The following TRPC7 variants were observed in gnomAD, a reference collection of about 807,000 sequenced individuals.
TRPC7 encodes the protein short transient receptor potential channel 7.
Under a neutral mutation model 90.1 loss-of-function variants are expected in TRPC7, and 42 were observed. The observed-to-expected ratio is 0.47, with a 90% CI of 0.36 to 0.60. The LOEUF is 0.60. TRPC7 is among the 20% of genes least tolerant of loss of function. TRPC7 has a pLI of 0.00. For missense variants in TRPC7, 955 were observed against 1,112.3 expected (o/e 0.86, Z 2.01); for synonymous variants, 451 against 436.3 (o/e 1.03, Z -0.42).
chr5:136,307,839 T>C (rs906761087), intron 3 of TRPC7, among the ~76,000 whole-genome samples: 1 of 152,198 alleles, frequency 6.6e-6, no homozygotes, highest in African/African-American at 2.4e-5. Context: ...GAAATCAGTA[T>C]GGCAAACAGT....
chr5:136,321,451 C>G (rs1175896890), intron 2 of TRPC7, among the ~76,000 whole-genome samples: 2 of 152,178 alleles, frequency 1.3e-5, no homozygotes, highest in East Asian at 1.9e-4. Flanking sequence ...AGCCATTTAA[C>G]TCTTACGCAT....
intron 3 of TRPC7, among the ~76,000 whole-genome samples, chr5:136,282,585 A>C (rs1047472493): frequency 1.3e-5 from 2 of 152,184 alleles, no homozygotes; most frequent in Non-Finnish European, 2.9e-5. Context: ...TATACTCAAA[A>C]TATGCTCAAG....
intron 7 of TRPC7, among the ~76,000 whole-genome samples, chr5:136,243,394 C>T (rs1287734120): frequency 3.3e-5 from 5 of 152,132 alleles, no homozygotes; most frequent in African/African-American, 1.2e-4. Context: ...AATTTCCCTT[C>T]TGTAGAATTG....
intron 3 of TRPC7, among the ~76,000 whole-genome samples, chr5:136,308,203 A>G (rs1722264635): frequency 6.6e-6 from 1 of 152,182 alleles, no homozygotes; most frequent in Non-Finnish European, 1.5e-5. Flanking sequence ...AGAAAACAAA[A>G]CTTCCTCATG....
chr5:136,283,186 G>A (rs1237054925), intron 3 of TRPC7, among the ~76,000 whole-genome samples: 1 of 152,228 alleles, frequency 6.6e-6, no homozygotes, highest in Non-Finnish European at 1.5e-5. Flanking sequence ...CTGTTGATGT[G>A]CCAGCGGGGC....
At chr5:136,237,370 T>TG (rs1756015827) in intron 7 of TRPC7, among the ~76,000 whole-genome samples, 1 of 152,204 alleles carries the variant, frequency 6.6e-6, no homozygotes, top group Non-Finnish European at 1.5e-5. Context: ...TGGGAACTCT[T>TG]GGAGGGAAGA....
At chr5:136,282,982 T>G (rs939088102) in intron 3 of TRPC7, among the ~76,000 whole-genome samples, 1 of 152,210 alleles carries the variant, frequency 6.6e-6, no homozygotes, top group Non-Finnish European at 1.5e-5. Flanking sequence ...TGTTTCATGA[T>G]AGCCTCCTAT....
chr5:136,305,609 A>G (rs1359071226), intron 3 of TRPC7, among the ~76,000 whole-genome samples: 1 of 152,160 alleles, frequency 6.6e-6, no homozygotes, highest in South Asian at 2.1e-4. Context: ...CTGAATAAGT[A>G]AAGGCCTTTC....
chr5:136,317,317 C>A (rs1759054264), intron 2 of TRPC7, among the ~76,000 whole-genome samples: 1 of 152,126 alleles, frequency 6.6e-6, no homozygotes, highest in African/African-American at 2.4e-5. Context: ...GCCATTCACT[C>A]ATTCATTCAT....
At chr5:136,253,177 T>C (rs1010211005) in intron 5 of TRPC7, among the ~76,000 whole-genome samples, 1 of 152,220 alleles carries the variant, frequency 6.6e-6, no homozygotes, top group Admixed American at 6.5e-5. Context: ...TGTTGTTAAT[T>C]TCACCTATTT....
At chr5:136,228,754 A>G (rs1561679512) in intron 8 of TRPC7, among the ~76,000 whole-genome samples, 1 of 152,176 alleles carries the variant, frequency 6.6e-6, no homozygotes, top group East Asian at 1.9e-4. Flanking sequence ...TATTTGCATC[A>G]TCAAAACTAC....
intron 3 of TRPC7, among the ~76,000 whole-genome samples, chr5:136,290,567 GA>G (rs1392641957): frequency 6.6e-6 from 1 of 152,194 alleles, no homozygotes; most frequent in Non-Finnish European, 1.5e-5. Flanking sequence ...TGAATGAAAT[GA>G]AGCATGAAGA....
rs1029989963 is a variant in TRPC7 at position 136,347,144 on chromosome 5, C to T, written c.780+9464G>A. Among the ~76,000 whole-genome samples, 97 of 152,270 alleles carry T rather than the reference C, an allele frequency of 6.4e-4. 1 individual carries two copies. Among genetic ancestry groups the T allele is most frequent in the Non-Finnish European group, 5.3e-4 (36 of 68,034 alleles). On this transcript the variant is annotated intron_variant, in intron 2 of 11. Transcript: ENST00000513104. ...CTAGAGCCTCCAAGGAGGGCATGAC[C>T]CTGCTAATACCTTGACTTTGGACCT...
At chr5:136,293,093 AC>A (rs1471244005) in intron 3 of TRPC7, among the ~76,000 whole-genome samples, 7 of 152,260 alleles carry the variant, frequency 4.6e-5, no homozygotes, top group African/African-American at 1.4e-4. Context: ...AAATTCAACA[AC>A]CCTTCATGCT....
rs186571780 is a variant in TRPC7 at position 136,300,803 on chromosome 5, C to T, written c.963+14794G>A. On this transcript the variant is annotated intron_variant, in intron 3 of 11. Transcript: ENST00000513104. The stretch of plus-strand genomic sequence containing the variant: ...CTTAGAGAAGCATTAAAGCCTCCAG[C>T]TTCCCACTGAACACACCATCTATCT... Among the ~76,000 whole-genome samples, 29 of 152,328 alleles carry T rather than the reference C, an allele frequency of 1.9e-4. 2 individuals are homozygous for T. Among genetic ancestry groups the T allele is most frequent in the Admixed American group, 1.6e-3 (24 of 15,306 alleles).
At chr5:136,354,085 T>C (rs963740246) in intron 2 of TRPC7, among the ~76,000 whole-genome samples, 2 of 152,222 alleles carry the variant, frequency 1.3e-5, no homozygotes, top group African/African-American at 2.4e-5. Context: ...AATATTTTTT[T>C]GCTTGAATTT....
chr5:136,329,823 C>T (rs901251613), intron 2 of TRPC7, among the ~76,000 whole-genome samples: 1 of 152,186 alleles, frequency 6.6e-6, no homozygotes, highest in Non-Finnish European at 1.5e-5. Flanking sequence ...TCTCGTGGAA[C>T]TCCTGGAAGA....
At chr5:136,241,955 A>T (rs1466842934) in intron 7 of TRPC7, among the ~76,000 whole-genome samples, 1 of 152,070 alleles carries the variant, frequency 6.6e-6, no homozygotes, top group Non-Finnish European at 1.5e-5. Flanking sequence ...GAGTGCTGGG[A>T]CCCCAAGAGT....
In TRPC7 at chr5:136,334,704, A is replaced by C. The variant is rs543020289; in HGVS notation, c.781-18925T>G. Among the ~76,000 whole-genome samples the C allele has an allele frequency of 2.6e-5, 4 of 152,358 alleles. No individual in the cohort carries two copies. The East Asian group carries it at 7.7e-4, about 29-fold the overall frequency. ...TAACACTTATACTTTATTCATTTGTAATTTCAGTGCAGAGAATAACACACT... is the reference window on the plus strand; with the variant it reads ...TAACACTTATACTTTATTCATTTGTCATTTCAGTGCAGAGAATAACACACT... On this transcript the variant is annotated intron_variant, in intron 2 of 11. Coordinates refer to ENST00000513104, the MANE Select transcript of TRPC7 (RefSeq NM_020389.3).
Sources: gnomAD v4.1 joint callset for allele counts (sites outside exome capture counted in the v4.1 genomes callset) on GRCh38, gnomAD v4.1.1 for gene constraint, MANE v1.5 for transcripts, NCBI Gene and HGNC (gene_info 2026-07-23, HGNC 2026-07-21) for gene names.